LGR5: variants seen among roughly 807,000 people sequenced by gnomAD.
LGR5 encodes leucine-rich repeat-containing G protein-coupled receptor 5.
LGR5 carries 54 observed loss-of-function variants against 76.7 expected under a neutral mutation model. The ratio of observed to expected loss-of-function variants is 0.70; its 90% CI spans 0.57 to 0.88. LGR5 has a LOEUF of 0.88. LGR5 is among the 40% of genes least tolerant of loss of function. The pLI, the probability that LGR5 is intolerant of heterozygous loss-of-function variation, is 0.00. For missense variants in LGR5, 1,078 were observed against 1,073.3 expected, an observed-to-expected ratio of 1.00 and a Z score of -0.06; for synonymous variants, 406 against 421.9, an observed-to-expected ratio of 0.96 and a Z score of 0.46.
At chr12:71,481,979 T>C (rs1445307884) in intron 1 of LGR5, among the ~76,000 whole-genome samples, 1 of 152,242 alleles carries the variant, frequency 6.6e-6, no homozygotes, top group African/African-American at 2.4e-5. Flanking sequence ...GTCTGCTTTT[T>C]ATTTTTTCTT....
chr12:71,529,425 C>G (rs1277879390), intron 3 of LGR5, among the ~76,000 whole-genome samples: 1 of 152,184 alleles, frequency 6.6e-6, no homozygotes, highest in Non-Finnish European at 1.5e-5. Context: ...ATCATGAGAA[C>G]AGCATGGCAG....
chr12:71,453,161 A>T (rs1418955247), intron 1 of LGR5, among the ~76,000 whole-genome samples: 4 of 152,244 alleles, frequency 2.6e-5, no homozygotes, highest in Admixed American at 6.5e-5. Context: ...AAGAAGGGGC[A>T]TCTTCAAATG....
intron 1 of LGR5, among the ~76,000 whole-genome samples, chr12:71,479,826 G>A (rs894910377): frequency 1.8e-4 from 28 of 152,128 alleles, no homozygotes; most frequent in African/African-American, 6.3e-4. Flanking sequence ...AGGTAATGGA[G>A]GGATGGAGGG....
intron 8 of LGR5, among the ~76,000 whole-genome samples, chr12:71,565,814 A>G (rs1413510916): frequency 6.6e-6 from 1 of 151,932 alleles, no homozygotes; most frequent in East Asian, 1.9e-4. Flanking sequence ...TTCAAATACC[A>G]CTACATTGAA....
chr12:71,495,518 C>G (rs1040828399), intron 1 of LGR5, among the ~76,000 whole-genome samples: 4 of 151,408 alleles, frequency 2.6e-5, no homozygotes, highest in Admixed American at 2.6e-4. Flanking sequence ...TAAGCCCTAG[C>G]TGGTTTTGCT....
intron 1 of LGR5, among the ~76,000 whole-genome samples, chr12:71,480,298 T>C (rs12809936): frequency 0.089 from 13,379 of 150,060 alleles, 639 homozygotes; most frequent in Non-Finnish European, 0.11. Context: ...GAGGTGGAGA[T>C]TGCAGTGAGC....
intron 1 of LGR5, among the ~76,000 whole-genome samples, chr12:71,463,895 G>A (rs1052140973): frequency 1.2e-4 from 18 of 151,880 alleles, no homozygotes; most frequent in African/African-American, 4.1e-4. Flanking sequence ...CATGTAAAAG[G>A]TCTTGATCCT....
rs368888854 is a variant in LGR5 at position 71,584,296 on chromosome 12, C to T, written c.2286C>T (p.Cys762=). 16 of 1,614,076 alleles carry T rather than the reference C, an allele frequency of 9.9e-6. No homozygotes were observed. In the African/African-American group the frequency reaches 2.1e-4, roughly 22 times the overall value. The change falls in exon 18 of 18, where the codon TGC becomes TGT. Residue 762 remains cysteine (C), a synonymous_variant. Transcript: ENST00000266674. ...DKGDLENIWD[C]SMVKHIALLL... is the part of the protein sequence containing the mutation. The stretch of plus-strand genomic sequence containing the variant: ...GAGACCTGGAGAATATTTGGGACTG[C>T]TCTATGGTAAAACACATTGCCCTGT...
intron 1 of LGR5, among the ~76,000 whole-genome samples, chr12:71,443,726 A>G (rs1283766733): frequency 6.6e-6 from 1 of 152,196 alleles, no homozygotes; most frequent in Non-Finnish European, 1.5e-5. Flanking sequence ...AGTTAGTGTG[A>G]CATTCAGATA....
At chr12:71,558,228 A>T (rs554691435) in intron 6 of LGR5, among the ~76,000 whole-genome samples, 2 of 152,302 alleles carry the variant, frequency 1.3e-5, no homozygotes, top group South Asian at 4.1e-4. Flanking sequence ...AATGGAAATC[A>T]CCTTCCAGCC....
At chr12:71,551,689 T>G (rs1945100169) in intron 4 of LGR5, among the ~76,000 whole-genome samples, 1 of 152,198 alleles carries the variant, frequency 6.6e-6, no homozygotes, top group African/African-American at 2.4e-5. Flanking sequence ...TTATAGCCAC[T>G]GTTTATGTTG....
At chr12:71,491,476 A>C (rs1179559406) in intron 1 of LGR5, among the ~76,000 whole-genome samples, 2 of 152,072 alleles carry the variant, frequency 1.3e-5, no homozygotes, top group African/African-American at 4.8e-5. Flanking sequence ...TTAGAGAATA[A>C]AGTTTTTCCA....
At chr12:71,552,921 T>C (rs540739523) in intron 4 of LGR5, 152 bp from the exon 5 acceptor site, 6 of 632,346 alleles carry the variant, frequency 9.5e-6, no homozygotes, top group African/African-American at 5.5e-5. Context: ...AGAGATCATC[T>C]GGAGAGGAAA....
At chr12:71,520,112 C>T (rs1592509010) in intron 2 of LGR5, among the ~76,000 whole-genome samples, 1 of 151,904 alleles carries the variant, frequency 6.6e-6, no homozygotes, top group Admixed American at 6.6e-5. Context: ...ATATTCATAG[C>T]ATCACTGTTC....
chr12:71,521,087 G>A (rs916762729), intron 2 of LGR5, among the ~76,000 whole-genome samples: 3 of 152,208 alleles, frequency 2.0e-5, no homozygotes, highest in Admixed American at 6.5e-5. Context: ...AACATGCGAT[G>A]TCTGTGATAG....
At chr12:71,499,682 G>C (rs189383079) in intron 1 of LGR5, among the ~76,000 whole-genome samples, 1 of 152,058 alleles carries the variant, frequency 6.6e-6, no homozygotes. Context: ...ACTCTAGATC[G>C]AGCTCTGCTT....
At chr12:71,562,994 C>T (rs570648662) in intron 8 of LGR5, among the ~76,000 whole-genome samples, 1 of 152,182 alleles carries the variant, frequency 6.6e-6, no homozygotes, top group South Asian at 2.1e-4. Flanking sequence ...AACATTAGCC[C>T]TCATTAGAGC....
chr12:71,550,461 CTTT>C lies in LGR5; in HGVS notation c.429-2597_429-2595del, dbSNP rs71068776. The stretch of plus-strand genomic sequence containing the variant: ...GACTTTTAGAAACCACTCATACTTT[CTTT>C]TTTTTTTTTTTTTTAAGACAGAGTC... On this transcript the variant is annotated intron_variant, in intron 4 of 17. Transcript: ENST00000266674. Among the ~76,000 whole-genome samples, 87 of 132,046 alleles carry C rather than the reference CTTT, an allele frequency of 6.6e-4. No homozygotes were observed. The South Asian group carries it at 7.6e-3, about 12-fold the overall frequency. The allele number at this position is 132,046 out of a possible 152,430, so 86.6% of individuals were successfully genotyped here.
chr12:71,562,206 GAAATAT>G (rs1878096376), intron 8 of LGR5, among the ~76,000 whole-genome samples: 1 of 152,096 alleles, frequency 6.6e-6, no homozygotes. Context: ...GAGTATACTA[GAAATAT>G]AAATTATTAT....
Sources: gnomAD v4.1 joint callset for allele counts (sites outside exome capture counted in the v4.1 genomes callset) on GRCh38, gnomAD v4.1.1 for gene constraint, MANE v1.5 for transcripts, NCBI Gene and HGNC (gene_info 2026-07-23, HGNC 2026-07-21) for gene names.